CSMD1: variants seen among roughly 807,000 people sequenced by gnomAD.
CSMD1 encodes the protein CUB and sushi domain-containing protein 1.
In CSMD1, 213 loss-of-function variants were observed where a neutral mutation model predicts 417.5. The observed-to-expected ratio is 0.51, with a 90% confidence interval of 0.46 to 0.57. The LOEUF is 0.57. CSMD1 is among the 20% of genes least tolerant of loss of function. The pLI is 0.00. For synonymous variants in CSMD1, 2,862 were observed against 1,736.8 expected, an observed-to-expected ratio of 1.65 and a Z score of -16.11; for missense variants, 6,923 against 4,529.7, an observed-to-expected ratio of 1.53 and a Z score of -15.17.
chr8:3,896,561 G>C (rs76159043), intron 5 of CSMD1, among the ~76,000 whole-genome samples: 2 of 151,820 alleles, frequency 1.3e-5, no homozygotes, highest in African/African-American at 2.4e-5. Flanking sequence ...ACCCAGGCTG[G>C]AGTGCAGTGG....
At chr8:4,963,273 T>C (rs1158395127) in intron 1 of CSMD1, among the ~76,000 whole-genome samples, 2 of 152,196 alleles carry the variant, frequency 1.3e-5, no homozygotes, top group African/African-American at 4.8e-5. Flanking sequence ...CAATCTTGAC[T>C]CACTGTAACC....
chr8:3,876,196 G>A (rs74737383), intron 5 of CSMD1, among the ~76,000 whole-genome samples: 3,003 of 152,264 alleles, frequency 0.02, 45 homozygotes, highest in Middle Eastern at 0.048. Context: ...TTGAAAGGAG[G>A]GGAGGGGAAA....
At chr8:4,655,135 G>T (rs533700442) in intron 1 of CSMD1, among the ~76,000 whole-genome samples, 3 of 151,698 alleles carry the variant, frequency 2.0e-5, no homozygotes, top group African/African-American at 7.3e-5. Flanking sequence ...GTCTTACTAA[G>T]ACAGTTTTGA....
chr8:3,928,899 T>A (rs1252673151), intron 5 of CSMD1, among the ~76,000 whole-genome samples: 2 of 149,530 alleles, frequency 1.3e-5, no homozygotes, highest in Non-Finnish European at 3.0e-5. Flanking sequence ...TTATCAGTGA[T>A]CTTTCTTTTC....
intron 3 of CSMD1, among the ~76,000 whole-genome samples, chr8:4,273,956 G>T (rs965172313): frequency 2.0e-5 from 3 of 152,114 alleles, no homozygotes; most frequent in African/African-American, 7.2e-5. Flanking sequence ...AGTGTCCTGG[G>T]AGTATTCAGA....
chr8:4,780,582 T>C (rs2117187354), intron 1 of CSMD1, among the ~76,000 whole-genome samples: 1 of 150,700 alleles, frequency 6.6e-6, no homozygotes, highest in East Asian at 2.1e-4. Flanking sequence ...TTTATTTTTT[T>C]CCATAAGTTA....
At chr8:4,078,927 A>G (rs1444250206) in intron 3 of CSMD1, among the ~76,000 whole-genome samples, 1 of 25,578 alleles carries the variant, frequency 3.9e-5, no homozygotes, top group Non-Finnish European at 1.2e-4. Context: ...ATATATATAT[A>G]TATATATATA....
intron 5 of CSMD1, among the ~76,000 whole-genome samples, chr8:3,945,590 T>A (rs1043055886): frequency 1.3e-5 from 2 of 152,154 alleles, no homozygotes; most frequent in African/African-American, 2.4e-5. Flanking sequence ...GAACTCACAA[T>A]TAATATCATC....
chr8:3,307,368 C>T (rs1487429469), intron 25 of CSMD1, among the ~76,000 whole-genome samples: 1 of 152,030 alleles, frequency 6.6e-6, no homozygotes, highest in Non-Finnish European at 1.5e-5. Flanking sequence ...CATCCCCAGG[C>T]AGTCTCACGC....
intron 5 of CSMD1, among the ~76,000 whole-genome samples, chr8:3,834,450 C>G (rs1016922793): frequency 3.9e-5 from 6 of 152,174 alleles, no homozygotes; most frequent in East Asian, 1.9e-4. Context: ...TGGGCTTCCC[C>G]GGCAGGCAGT....
Position 4,841,930 on chromosome 8 carries a change from A to AAAAAAAAAAAAAAAAAAAAAACAAAAC in CSMD1, c.85+152401_85+152402insGTTTTGTTTTTTTTTTTTTTTTTTTTT, listed in dbSNP as rs1192383183. 1.1e-3 allele frequency among the ~76,000 whole-genome samples: 133 copies of AAAAAAAAAAAAAAAAAAAAAACAAAAC among 122,450 alleles called. 4 individuals are homozygous for AAAAAAAAAAAAAAAAAAAAAACAAAAC. Among genetic ancestry groups the AAAAAAAAAAAAAAAAAAAAAACAAAAC allele is most frequent in the East Asian group, 3.6e-3 (13 of 3,578 alleles). 80.3% of individuals were successfully genotyped at this position (122,450 alleles called of 152,430 possible). On this transcript the variant is annotated intron_variant, in intron 1 of 69. Coordinates refer to ENST00000635120, the MANE Select transcript of CSMD1 (RefSeq NM_033225.6). ...CCGTCTCAAAAAAAAAAAAAAAAAA[A>AAAAAAAAAAAAAAAAAAAAAACAAAAC]AAAAAAAAGTTCAGAACAATGGATA... is the stretch of plus-strand genomic sequence containing the variant.
chr8:3,610,792 C>A (rs1035172701), intron 8 of CSMD1, among the ~76,000 whole-genome samples: 1 of 151,874 alleles, frequency 6.6e-6, no homozygotes, highest in African/African-American at 2.4e-5. Context: ...CCCACAGATG[C>A]CTGGAAAGGT....
At chr8:4,901,539 A>T in intron 1 of CSMD1, among the ~76,000 whole-genome samples, 1 of 151,758 alleles carries the variant, frequency 6.6e-6, no homozygotes, top group East Asian at 2.0e-4. Flanking sequence ...AATTCATATG[A>T]TCTCCCCACC....
chr8:4,879,395 C>T (rs1278827406), intron 1 of CSMD1, among the ~76,000 whole-genome samples: 1 of 151,944 alleles, frequency 6.6e-6, no homozygotes, highest in Non-Finnish European at 1.5e-5. Context: ...ACTGGCTGAA[C>T]TTAGTGCAAT....
Position 4,647,654 on chromosome 8 carries a change from G to C in CSMD1, c.86-10096C>G, listed in dbSNP as rs117195222. ...TTGTTCAGCTCCCACTTGTGAGTTA[G>C]AATATGTGGTGTTTGGTTTTCTGTT... On this transcript the variant is annotated intron_variant, in intron 1 of 69. Transcript: ENST00000635120. Among the ~76,000 whole-genome samples the C allele has an allele frequency of 4.8e-3, 723 of 152,104 alleles. 30 individuals are homozygous for C. The East Asian group carries it at 0.094, about 20-fold the overall frequency.
chr8:4,319,373 GA>G (rs1239870641), intron 3 of CSMD1, among the ~76,000 whole-genome samples: 1 of 151,944 alleles, frequency 6.6e-6, no homozygotes, highest in African/African-American at 2.4e-5. Context: ...ATGTTTCTTT[GA>G]AATACTGAGC....
chr8:4,929,992 T>C (rs940554441), intron 1 of CSMD1, among the ~76,000 whole-genome samples: 1 of 152,226 alleles, frequency 6.6e-6, no homozygotes, highest in Non-Finnish European at 1.5e-5. Context: ...TAACATTTTA[T>C]TCACGTTAAG....
At chr8:4,130,555 A>T (rs1275953429) in intron 3 of CSMD1, among the ~76,000 whole-genome samples, 1 of 152,084 alleles carries the variant, frequency 6.6e-6, no homozygotes, top group Non-Finnish European at 1.5e-5. Flanking sequence ...GGTTCTTTTA[A>T]ATCAATTACC....
intron 7 of CSMD1, among the ~76,000 whole-genome samples, chr8:3,673,367 T>C (rs1214843755): frequency 6.6e-6 from 1 of 152,216 alleles, no homozygotes; most frequent in Non-Finnish European, 1.5e-5. Flanking sequence ...CATGATTCAG[T>C]ATTGGAAAAT....
Sources: allele counts gnomAD v4.1 joint callset (sites outside exome capture counted in the v4.1 genomes callset), GRCh38; gene constraint gnomAD v4.1.1; transcripts MANE v1.5; gene names NCBI Gene and HGNC (gene_info 2026-07-23, HGNC 2026-07-21).